Variants in BCAS1 observed in about 807,000 individuals in gnomAD.
The protein encoded by BCAS1 is breast carcinoma-amplified sequence 1.
Under a neutral mutation model 65.4 loss-of-function variants are expected in BCAS1, and 46 were observed. The observed-to-expected ratio is 0.70, with a 90% CI of 0.55 to 0.90. The LOEUF is 0.90. Among genes scored for constraint, BCAS1 ranks in the 40% least tolerant of loss-of-function variants. The probability of loss-of-function intolerance (pLI) is 0.00; values close to 1 mark genes in which losing one functional copy is unlikely to be tolerated. For missense variants in BCAS1, 793 were observed against 771.2 expected (o/e 1.03, Z -0.33); for synonymous variants, 298 against 293.5 (o/e 1.02, Z -0.16).
intron 1 of BCAS1, among the ~76,000 whole-genome samples, chr20:54,067,963 A>G (rs1295608401): frequency 6.6e-6 from 1 of 152,250 alleles, no homozygotes; most frequent in Non-Finnish European, 1.5e-5. Flanking sequence ...ACCTTGCAGG[A>G]GGAAAGAACA....
rs2091741205 is a variant in BCAS1 at position 54,028,920 on chromosome 20, C to T, written c.195G>A (p.Glu65=). ...KTDNVATSSP[E]TTEISAVADA... is the part of the protein sequence containing the mutation. ...CCGCAACAGCACTTATCTCCGTTGT[C>T]TCGGGGGAAGAAGTGGCCACATTAT... The change falls in exon 4 of 13, where the codon GAG becomes GAA. Residue 65 remains glutamate, a synonymous_variant. Coordinates refer to ENST00000688948, the MANE Select transcript of BCAS1 (RefSeq NM_001366298.2). The T allele has an allele frequency of 1.2e-6, 2 of 1,613,886 alleles. No individual in the cohort carries two copies. The highest frequency in any genetic ancestry group is 1.7e-6 in the Non-Finnish European group (2 of 1,180,004).
At chr20:54,014,411 T>C (rs2091388421) in intron 4 of BCAS1, among the ~76,000 whole-genome samples, 2 of 152,244 alleles carry the variant, frequency 1.3e-5, no homozygotes, top group African/African-American at 4.8e-5. Flanking sequence ...TTTGATTGTC[T>C]GTAATAAGGC....
At chr20:54,039,100 T>C (rs1172297982) in intron 3 of BCAS1, among the ~76,000 whole-genome samples, 2 of 151,476 alleles carry the variant, frequency 1.3e-5, no homozygotes, top group Non-Finnish European at 3.0e-5. Flanking sequence ...CCTTCAATGG[T>C]CATGCTGCAA....
intron 12 of BCAS1, among the ~76,000 whole-genome samples, chr20:53,950,172 C>T (rs1427199434): frequency 4.6e-5 from 7 of 152,168 alleles, no homozygotes; most frequent in Non-Finnish European, 7.3e-5. Context: ...AGGAGGTCCC[C>T]GCCCACGGCT....
chr20:54,045,793 C>T (rs556329979), intron 3 of BCAS1, among the ~76,000 whole-genome samples: 2 of 152,356 alleles, frequency 1.3e-5, no homozygotes, highest in Admixed American at 1.3e-4. Context: ...GCATGTAATG[C>T]TTTGTCATCA....
At chr20:53,961,811 C>G (rs2089885723) in intron 10 of BCAS1, among the ~76,000 whole-genome samples, 1 of 152,192 alleles carries the variant, frequency 6.6e-6, no homozygotes. Flanking sequence ...AATTCTGGCT[C>G]TCCCGCTTAC....
At chr20:53,947,755 C>T (rs1230438607) in intron 12 of BCAS1, among the ~76,000 whole-genome samples, 1 of 152,160 alleles carries the variant, frequency 6.6e-6, no homozygotes, top group Non-Finnish European at 1.5e-5. Flanking sequence ...ATTTACCGTG[C>T]ATTGTAATCG....
chr20:54,066,068 A>ATTTTTTTTTTTTTTTTTTT, intron 1 of BCAS1, among the ~76,000 whole-genome samples: 1 of 146,032 alleles, frequency 6.8e-6, no homozygotes, highest in South Asian at 2.2e-4. Flanking sequence ...TGAGGCAGGT[A>ATTTTTTTTTTTTTTTTTTT]TTTTTTTTCT....
chr20:54,023,858 C>G (rs1386332148), intron 4 of BCAS1, among the ~76,000 whole-genome samples: 1 of 152,154 alleles, frequency 6.6e-6, no homozygotes, highest in African/African-American at 2.4e-5. Flanking sequence ...TTATACAACT[C>G]TTAAATTAGA....
chr20:54,037,592 G>A (rs1002165768), intron 3 of BCAS1, among the ~76,000 whole-genome samples: 11 of 151,386 alleles, frequency 7.3e-5, no homozygotes, highest in African/African-American at 2.7e-4. Flanking sequence ...TATTTATTTG[G>A]ATAAATGTCT....
At chr20:54,054,488 T>C (rs934674921) in intron 3 of BCAS1, among the ~76,000 whole-genome samples, 13 of 152,218 alleles carry the variant, frequency 8.5e-5, no homozygotes, top group African/African-American at 3.1e-4. Context: ...TTCACTTTTA[T>C]ACCCCTTAAA....
intron 10 of BCAS1, among the ~76,000 whole-genome samples, chr20:53,962,996 GC>G (rs1328506679): frequency 6.6e-6 from 1 of 151,742 alleles, no homozygotes; most frequent in African/African-American, 2.4e-5. Flanking sequence ...GACTACAGGC[GC>G]CCGCCACCAT....
intron 3 of BCAS1, among the ~76,000 whole-genome samples, chr20:54,043,255 G>T (rs969011945): frequency 6.6e-6 from 1 of 152,054 alleles, no homozygotes; most frequent in African/African-American, 2.4e-5. Flanking sequence ...GCTGAAATTG[G>T]TTACAGGATT....
rs559201616 is a variant in BCAS1, at chr20:53,985,258, ACT to A, written c.1275+27_1275+28del. ...TTCTGGAGTCATCCCCGCCCGGACG[ACT>A]CTCTAACGCTTGAAAATCAGACTTA... On this transcript the variant is annotated intron_variant, in intron 8 of 12. Transcript: ENST00000688948. The A allele has an allele frequency of 1.9e-3, 3,072 of 1,606,664 alleles. 81 individuals are homozygous for A. The South Asian group carries it at 0.032, about 17-fold the overall frequency.
At chr20:53,975,181 T>C (rs1221702526) in intron 9 of BCAS1, among the ~76,000 whole-genome samples, 1 of 152,220 alleles carries the variant, frequency 6.6e-6, no homozygotes, top group Non-Finnish European at 1.5e-5. Context: ...TTTGCATTTA[T>C]TTTGCACTGA....
At chr20:54,045,554 G>A (rs1165251749) in intron 3 of BCAS1, among the ~76,000 whole-genome samples, 4 of 152,166 alleles carry the variant, frequency 2.6e-5, no homozygotes, top group African/African-American at 7.2e-5. Context: ...ACATAAATGA[G>A]CTAAACCTTG....
intron 3 of BCAS1, among the ~76,000 whole-genome samples, chr20:54,039,043 A>G (rs1344057921): frequency 2.0e-5 from 3 of 151,450 alleles, no homozygotes; most frequent in Non-Finnish European, 4.4e-5. Context: ...GGCCTTTGGG[A>G]AAACTCAAAA....
chr20:54,045,217 A>C (rs111561645), intron 3 of BCAS1, among the ~76,000 whole-genome samples: 56,014 of 149,940 alleles, frequency 0.37, 10,780 homozygotes, highest in East Asian at 0.46. Flanking sequence ...TCTCAAAAAA[A>C]AAAAAAAAAC....
intron 4 of BCAS1, among the ~76,000 whole-genome samples, chr20:53,999,491 C>G (rs1490573664): frequency 6.6e-6 from 1 of 152,212 alleles, no homozygotes; most frequent in African/African-American, 2.4e-5. Context: ...CTTGTGACAA[C>G]AGGACCCTCC....
Sources: gnomAD v4.1 joint callset for allele counts (sites outside exome capture counted in the v4.1 genomes callset) on GRCh38, gnomAD v4.1.1 for gene constraint, MANE v1.5 for transcripts, NCBI Gene and HGNC (gene_info 2026-07-23, HGNC 2026-07-21) for gene names.